The following PSMC1 variants were observed in gnomAD, a reference collection of about 807,000 sequenced individuals.
PSMC1 encodes the protein proteasome 26S subunit, ATPase 1.
PSMC1 carries 5 observed loss-of-function variants against 49.8 expected under a neutral mutation model. The ratio of observed to expected loss-of-function variants is 0.10; its 90% confidence interval spans 0.05 to 0.21. The LOEUF (loss-of-function observed/expected upper bound fraction) is 0.21. PSMC1 is among the 10% of genes least tolerant of loss of function. PSMC1 has a pLI of 1.00. For synonymous variants in PSMC1, 155 were observed against 192.1 expected (o/e 0.81, Z 1.60); for missense variants, 181 against 535.7 (o/e 0.34, Z 6.54).
chr14:90,275,402 T>G lies in PSMC1; in HGVS notation c.*2995T>G, dbSNP rs1264464841. 2.0e-5 allele frequency: 3 copies of G among 152,032 alleles called. No individual in the cohort carries two copies. The highest frequency in any genetic ancestry group is 4.4e-5 in the Non-Finnish European group (3 of 68,004). The allele number at this position is 152,032 out of a possible 1,614,324, so 9.4% of individuals were successfully genotyped here. A position where few individuals can be genotyped will look rare whatever the true frequency, so the allele number is the denominator to read the frequency against. On this transcript the variant is annotated 3_prime_UTR_variant, in exon 11 of 11. Transcript: ENST00000261303. ...AACGCACTTGCATCTTTTCCTAAGTTTGAGATTAAAAAAAACAAAAAACCC... is the reference window on the plus strand; with the variant it reads ...AACGCACTTGCATCTTTTCCTAAGTGTGAGATTAAAAAAAACAAAAAACCC...
chr14:90,265,210 T>G, intron 7 of PSMC1, 44 bp downstream of exon 7: 166 of 1,330,076 alleles, frequency 1.2e-4, no homozygotes, highest in Non-Finnish European at 1.7e-4. Flanking sequence ...AGCTGGTCTC[T>G]TGAGCAGCAG....
rs1891765406 is a variant in PSMC1 at position 90,274,832 on chromosome 14, ACACACAC to A, written c.*2427_*2433del. ...CACACACACACACACACACACACACACACACACCCCAATACATATGAATTGATCTGAA... is the reference window on the plus strand; with the variant it reads ...CACACACACACACACACACACACACACCCAATACATATGAATTGATCTGAA... On this transcript the variant is annotated 3_prime_UTR_variant, in exon 11 of 11. Coordinates refer to ENST00000261303, the MANE Select transcript of PSMC1 (RefSeq NM_002802.3). 1 of 64,610 alleles carries A rather than the reference ACACACAC, an allele frequency of 1.5e-5. No individual in the cohort carries two copies. Among genetic ancestry groups the A allele is most frequent in the Admixed American group, 1.7e-4 (1 of 5,938 alleles). The allele number at this position is 64,610 out of a possible 1,614,324, so 4.0% of individuals were successfully genotyped here. A position where few individuals can be genotyped will look rare whatever the true frequency, so the allele number is the denominator to read the frequency against.
At chr14:90,263,879 G>A (rs1891453409) in intron 5 of PSMC1, 32 bp downstream of exon 5, 11 of 1,611,294 alleles carry the variant, frequency 6.8e-6, no homozygotes, top group East Asian at 2.2e-5. Flanking sequence ...GAAAGCCCAC[G>A]GAAGTGCTTT....
intron 7 of PSMC1, among the ~76,000 whole-genome samples, chr14:90,265,763 G>T (rs1337981416): frequency 6.6e-6 from 1 of 151,624 alleles, no homozygotes. Flanking sequence ...AGAGGCTGAG[G>T]TAGGAGGGTC....
intron 2 of PSMC1, 86 bp from the exon 3 acceptor site, chr14:90,260,029 A>T (rs1479684322): frequency 1.3e-6 from 1 of 799,636 alleles, no homozygotes; most frequent in African/African-American, 1.7e-5. Flanking sequence ...ACCACCTGAA[A>T]ATAGATGATG....
intron 10 of PSMC1, chr14:90,271,349 G>C (rs1381092537): frequency 6.6e-6 from 1 of 152,154 alleles, no homozygotes; most frequent in Non-Finnish European, 1.5e-5. Flanking sequence ...TTTGTTTGCT[G>C]TCCTTCTCTA....
chr14:90,265,147 C>T lies in PSMC1; in HGVS notation c.672C>T (p.Leu224=). 5.0e-6 allele frequency: 8 copies of T among 1,611,978 alleles called. No homozygotes were observed. The highest frequency in any genetic ancestry group is 6.8e-6 in the Non-Finnish European group (8 of 1,178,666). Residue 224 remains leucine (L), a synonymous_variant, in exon 7 of 11, where the codon CTC becomes CTT. Coordinates refer to ENST00000261303, the MANE Select transcript of PSMC1 (RefSeq NM_002802.3). ...TAAAGCCTCCTAAGGGGGTCATTCTCTATGGTCCACCTGGCACAGGTATGC... is the reference window on the plus strand; with the variant it reads ...TAAAGCCTCCTAAGGGGGTCATTCTTTATGGTCCACCTGGCACAGGTATGC... ...MGIKPPKGVI[L]YGPPGTGKTL...
rs116701705 is a variant in PSMC1, at chr14:90,261,102, C to G, written c.154+891C>G. On this transcript the variant is annotated intron_variant, in intron 3 of 10. Transcript: ENST00000261303. ...AGTGACCTGACCCAGCCCACCTCTC[C>G]GACCTCAGCCCTGCCACTCCCCCTT... Among the ~76,000 whole-genome samples the G allele has an allele frequency of 7.0e-3, 1,065 of 152,260 alleles. 5 individuals carry two copies. Among genetic ancestry groups the G allele is most frequent in the African/African-American group, 0.025 (1,026 of 41,536 alleles).
intron 10 of PSMC1, chr14:90,270,601 C>T: frequency 2.7e-6 from 1 of 370,666 alleles, no homozygotes; most frequent in Non-Finnish European, 4.8e-6. Context: ...GGTACTAAGC[C>T]TTAGGCCCAG....
rs573464802 is a variant in PSMC1 at position 90,270,104 on chromosome 14, A to G, written c.1034-94A>G. ...TCCCACAGAATTCTGTCCGACTGAA[A>G]CTTCGTATGTAAGGAGATGGGCTGA... On this transcript the variant is annotated intron_variant, in intron 9 of 10. Coordinates refer to ENST00000261303, the MANE Select transcript of PSMC1 (RefSeq NM_002802.3). 7.5e-6 allele frequency: 10 copies of G among 1,336,588 alleles called. No individual in the cohort carries two copies. The South Asian group carries it at 1.5e-4, about 20-fold the overall frequency. The allele number at this position is 1,336,588 out of a possible 1,614,324, so 82.8% of individuals were successfully genotyped here.
At chr14:90,267,788 C>G (rs1891556331) in intron 7 of PSMC1, 1 of 155,880 alleles carries the variant, frequency 6.4e-6, no homozygotes, top group African/African-American at 2.4e-5. Flanking sequence ...TACTTTGGCT[C>G]TACAGCCCTG....
At chr14:90,261,346 C>T (rs1039286360) in intron 3 of PSMC1, among the ~76,000 whole-genome samples, 1 of 152,208 alleles carries the variant, frequency 6.6e-6, no homozygotes, top group Admixed American at 6.5e-5. Context: ...ACTTAAACTA[C>T]TTTAAAAAAT....
At chr14:90,261,470 C>T (rs971736005) in intron 3 of PSMC1, among the ~76,000 whole-genome samples, 2 of 152,148 alleles carry the variant, frequency 1.3e-5, no homozygotes, top group Admixed American at 1.3e-4. Context: ...AGTCCAAAAC[C>T]AGTCATGTTA....
At chr14:90,262,624 A>T (rs1287011363) in intron 3 of PSMC1, among the ~76,000 whole-genome samples, 5 of 152,108 alleles carry the variant, frequency 3.3e-5, no homozygotes, top group Non-Finnish European at 7.4e-5. Context: ...CTCTGCTAAA[A>T]ATCCAAAAAG....
At chr14:90,268,517 C>G in intron 8 of PSMC1, 104 bp downstream of exon 8, 1 of 1,168,426 alleles carries the variant, frequency 8.6e-7, no homozygotes, top group Admixed American at 2.0e-5. Flanking sequence ...GGCCACAGTT[C>G]TTGCTGTGCG....
In PSMC1 at chr14:90,274,277, GGA is replaced by G; in HGVS notation, c.*1872_*1873del. The G allele has an allele frequency of 6.4e-6, 1 of 155,748 alleles. No homozygotes were observed. Among genetic ancestry groups the G allele is most frequent in the East Asian group, 1.9e-4 (1 of 5,188 alleles). 9.6% of individuals were successfully genotyped at this position (155,748 alleles called of 1,614,324 possible). A position where few individuals can be genotyped will look rare whatever the true frequency, so the allele number is the denominator to read the frequency against. ...GCAGGGCTGGGGTGGTCCGATAGGG[GGA>G]GTCAGTGTGGGCAGCCTGATGTGCA... On this transcript the variant is annotated 3_prime_UTR_variant, in exon 11 of 11. Transcript: ENST00000261303.
chr14:90,272,328 C>T lies in PSMC1; in HGVS notation c.1244C>T (p.Thr415Ile). The change falls in exon 11 of 11, where the codon ACA becomes ATA. Residue 415 changes from threonine (T) to isoleucine (I), a missense_variant. Thr to Ile is a moderately conservative substitution (Grantham distance 89). Transcript: ENST00000261303. This position sits in a 1 kb window ranked among gnomAD's most constrained non-coding sequence, Gnocchi z 4.5. ...TTAAGAGAACGTAGAATGAAAGTAA[C>T]AAATGAAGACTTCAAAAAATCTAAA... ...MALRERRMKV[T>I]NEDFKKSKEN... 3 of 1,604,724 alleles carry T rather than the reference C, an allele frequency of 1.9e-6. No homozygotes were observed. The highest frequency in any genetic ancestry group is 2.5e-6 in the Non-Finnish European group (3 of 1,178,076).
chr14:90,271,303 G>C (rs1171124795), intron 10 of PSMC1: 1 of 152,114 alleles, frequency 6.6e-6, no homozygotes, highest in Non-Finnish European at 1.5e-5. Flanking sequence ...CTGGCCAAAA[G>C]AAAAAGAAAA....
rs144111170 is a variant in PSMC1 at position 90,274,787 on chromosome 14, TACACACACACACACACACACACACACAC to T, written c.*2405_*2432del. 0.22 allele frequency: 24,409 copies of T among 110,958 alleles called. 2,131 individuals are homozygous for T. Among genetic ancestry groups the T allele is most frequent in the South Asian group, 0.27 (896 of 3,288 alleles). The allele number at this position is 110,958 out of a possible 1,614,324, so 6.9% of individuals were successfully genotyped here. On this transcript the variant is annotated 3_prime_UTR_variant, in exon 11 of 11. Transcript: ENST00000261303. ...CAGTATAGCCCTTTAAATAGGGAAC[TACACACACACACACACACACACACACAC>T]ACACACACACACACACACACACACC...
Sources: allele counts gnomAD v4.1 joint callset (sites outside exome capture counted in the v4.1 genomes callset), GRCh38; gene constraint gnomAD v4.1.1; non-coding constraint Gnocchi (gnomAD v3.1); transcripts MANE v1.5; gene names NCBI Gene and HGNC (gene_info 2026-07-23, HGNC 2026-07-21).